The following MYO10 variants were observed in gnomAD, a reference collection of about 807,000 sequenced individuals.
MYO10 encodes the protein myosin X, also known as unconventional myosin-X.
In MYO10, 133 loss-of-function variants were observed where a neutral mutation model predicts 257.3. The observed-to-expected ratio is 0.52, with a 90% confidence interval of 0.45 to 0.60. MYO10 has a LOEUF of 0.60. Among genes scored for constraint, MYO10 ranks in the 20% least tolerant of loss-of-function variants. The pLI is 0.00. For missense variants in MYO10, 2,399 were observed against 2,635.7 expected, an observed-to-expected ratio of 0.91 and a Z score of 1.97; for synonymous variants, 1,104 against 1,028.6, an observed-to-expected ratio of 1.07 and a Z score of -1.40.
chr5:16,683,858 TA>T, intron 30 of MYO10, 21 bp downstream of exon 30: 1 of 1,612,984 alleles, frequency 6.2e-7, no homozygotes, highest in Non-Finnish European at 8.5e-7. Flanking sequence ...CTGTTTTTGT[TA>T]AGAGCCACAT....
At chr5:16,884,968 C>T (rs1278335877) in intron 1 of MYO10, among the ~76,000 whole-genome samples, 4 of 152,150 alleles carry the variant, frequency 2.6e-5, no homozygotes, top group Non-Finnish European at 5.9e-5. Flanking sequence ...TGAAAGCAGA[C>T]TCTGTTGTCT....
chr5:16,696,055 T>C (rs1411193936), intron 26 of MYO10, among the ~76,000 whole-genome samples: 1 of 152,248 alleles, frequency 6.6e-6, no homozygotes, highest in Non-Finnish European at 1.5e-5. Flanking sequence ...GCAAAATTAT[T>C]CTATTATCTT....
Position 16,701,456 on chromosome 5 carries a change from G to T in MYO10, c.2939C>A (p.Pro980His). The change falls in exon 25 of 41, where the codon CCC (proline) becomes CAC (histidine). Residue 980 changes from proline to histidine, a missense_variant. By Grantham distance (77) the Pro-to-His change is moderately conservative. Around this residue, in one of 3 missense-constraint regions of MYO10, gnomAD observed 1,820 missense variants for 1,939.4 expected, o/e 0.94. Coordinates refer to ENST00000513610, the MANE Select transcript of MYO10 (RefSeq NM_012334.3). The surrounding 1 kb of genome is among the most constrained non-coding windows in gnomAD (Gnocchi z 8.1). ...ELAESACEEKPNFNFSQPYPE... is the reference protein window; with the variant it reads ...ELAESACEEKHNFNFSQPYPE... ...GTAGGGCTGGCTGAAGTTGAAGTTG[G>T]GCTTCTCCTCGCATGCGCTCTCAGC... The T allele has an allele frequency of 1.2e-6, 2 of 1,613,950 alleles. No homozygotes were observed. The highest frequency in any genetic ancestry group is 1.7e-6 in the Non-Finnish European group (2 of 1,179,892).
At chr5:16,881,634 A>G (rs1224890074) in intron 1 of MYO10, among the ~76,000 whole-genome samples, 2 of 152,238 alleles carry the variant, frequency 1.3e-5, no homozygotes, top group Non-Finnish European at 2.9e-5. Flanking sequence ...TTAACTGGCA[A>G]TTTTCATAGA....
intron 21 of MYO10, among the ~76,000 whole-genome samples, chr5:16,707,287 A>G (rs77193802): frequency 6.6e-6 from 1 of 152,178 alleles, no homozygotes; most frequent in Non-Finnish European, 1.5e-5. Flanking sequence ...ACTAATACAG[A>G]AAGTGTTTCT....
rs79656657 is a variant in MYO10, at chr5:16,786,245, T to C, written c.468-2776A>G. The stretch of plus-strand genomic sequence containing the variant: ...GGCAAAAATACAATTATGGAGAAGA[T>C]ACGATACTCTTCAAACTCTACAGCA... On this transcript the variant is annotated intron_variant, in intron 4 of 40. Coordinates refer to ENST00000513610, the MANE Select transcript of MYO10 (RefSeq NM_012334.3). 4.6e-3 allele frequency among the ~76,000 whole-genome samples: 702 copies of C among 152,202 alleles called. 8 individuals carry two copies. Among genetic ancestry groups the C allele is most frequent in the African/African-American group, 0.016 (672 of 41,520 alleles).
At chr5:16,713,671 G>A (rs546969144) in intron 19 of MYO10, among the ~76,000 whole-genome samples, 1 of 152,078 alleles carries the variant, frequency 6.6e-6, no homozygotes. Flanking sequence ...TTGTCGCCCC[G>A]GGCAACCCAC....
At chr5:16,785,404 T>C (rs1164416360) in intron 4 of MYO10, among the ~76,000 whole-genome samples, 1 of 152,212 alleles carries the variant, frequency 6.6e-6, no homozygotes, top group African/African-American at 2.4e-5. Context: ...ATTTAAAACA[T>C]ATCTATATTG....
intron 1 of MYO10, among the ~76,000 whole-genome samples, chr5:16,923,730 C>T (rs1185209070): frequency 6.6e-6 from 1 of 151,618 alleles, no homozygotes; most frequent in African/African-American, 2.4e-5. Flanking sequence ...ATGTGAACCA[C>T]CACGACATAG....
chr5:16,935,680 G>T (rs1746420445), intron 1 of MYO10, 108 bp downstream of exon 1: 4 of 1,345,382 alleles, frequency 3.0e-6, no homozygotes, highest in Non-Finnish European at 4.2e-6. Context: ...CTCCCAGAAA[G>T]TTGCGCCTTC....
At chr5:16,773,741 A>T (rs1052232494) in intron 9 of MYO10, among the ~76,000 whole-genome samples, 1 of 152,138 alleles carries the variant, frequency 6.6e-6, no homozygotes, top group African/African-American at 2.4e-5. Flanking sequence ...TATCCCATAA[A>T]TAAAAATTTT....
intron 19 of MYO10, among the ~76,000 whole-genome samples, chr5:16,716,592 G>C (rs999387167): frequency 6.6e-6 from 1 of 151,566 alleles, no homozygotes; most frequent in African/African-American, 2.4e-5. Context: ...AGAAAATACA[G>C]TGAGTTTATT....
At chr5:16,893,011 C>T (rs1008895718) in intron 1 of MYO10, among the ~76,000 whole-genome samples, 24 of 151,804 alleles carry the variant, frequency 1.6e-4, no homozygotes, top group Non-Finnish European at 3.1e-4. Flanking sequence ...CTGGCTAACA[C>T]GGTGAAGCCC....
In MYO10 at chr5:16,818,079, G is replaced by C; in HGVS notation, c.209C>G (p.Ser70Cys). ...TNEEGVDDMA[S>C]LTELHGGSIM... The stretch of plus-strand genomic sequence containing the variant: ...GGAGCCGCCATGGAGCTCTGTCAAG[G>C]ACGCCATGTCATCCACGCCCTCCTC... Residue 70 changes from serine to cysteine, a missense_variant, in exon 3 of 41, where the codon TCC (serine) becomes TGC (cysteine). By Grantham distance (112) the Ser-to-Cys change is moderately radical (BLOSUM62 -1). Coordinates refer to ENST00000513610, the MANE Select transcript of MYO10 (RefSeq NM_012334.3). 2 of 1,611,508 alleles carry C rather than the reference G, an allele frequency of 1.2e-6. No homozygotes were observed. The highest frequency in any genetic ancestry group is 8.5e-7 in the Non-Finnish European group (1 of 1,178,586).
intron 33 of MYO10, 142 bp downstream of exon 33, chr5:16,679,805 G>A (rs10060411): frequency 0.36 from 414,670 of 1,148,888 alleles, 75,824 homozygotes; most frequent in South Asian, 0.44. Flanking sequence ...AATTACAGGC[G>A]TGAGCCACCG....
chr5:16,770,298 T>A (rs1741007503), intron 9 of MYO10, among the ~76,000 whole-genome samples: 1 of 152,180 alleles, frequency 6.6e-6, no homozygotes, highest in Non-Finnish European at 1.5e-5. Context: ...TCTGGACCTA[T>A]CTTCCTTAGG....
At chr5:16,763,331 A>T (rs1740774223) in intron 14 of MYO10, 150 bp downstream of exon 14, 2 of 671,230 alleles carry the variant, frequency 3.0e-6, no homozygotes, top group Middle Eastern at 2.6e-4. Flanking sequence ...AACCTTGCAC[A>T]TTTACATTTA....
At position 16,671,294 on chromosome 5, in the gene MYO10, C is replaced by T. The variant is rs917835918; in HGVS notation, c.5430+128G>A. 2.9e-5 allele frequency: 35 copies of T among 1,196,286 alleles called. No individual in the cohort carries two copies. The African/African-American group carries it at 5.4e-4, about 18-fold the overall frequency. 74.1% of individuals were successfully genotyped at this position (1,196,286 alleles called of 1,614,324 possible). A position where few individuals can be genotyped will look rare whatever the true frequency, so the allele number is the denominator to read the frequency against. ...ACAAACGAATGAAAGAGCAGCTGGT[C>T]TTGTCTTTGCTGGGAAATCCACAGG... On this transcript the variant is annotated intron_variant, in intron 38 of 40. Coordinates refer to ENST00000513610, the MANE Select transcript of MYO10 (RefSeq NM_012334.3).
chr5:16,666,936 A>G (rs1186573539), intron 40 of MYO10, 143 bp from the exon 41 acceptor site: 1 of 642,698 alleles, frequency 1.6e-6, no homozygotes, highest in Non-Finnish European at 2.7e-6. Context: ...GGAAGCCAGA[A>G]GTTTAACCAC....
Sources: gnomAD v4.1 joint callset for allele counts (sites outside exome capture counted in the v4.1 genomes callset) on GRCh38, gnomAD v4.1.1 for gene constraint, gnomAD v4.1.1 regional missense constraint, Gnocchi (gnomAD v3.1) non-coding constraint, MANE v1.5 for transcripts, NCBI Gene and HGNC (gene_info 2026-07-23, HGNC 2026-07-21) for gene names.